The following RANBP17 variants were observed in gnomAD, a reference collection of about 807,000 sequenced individuals.
RANBP17 encodes the protein RAN binding protein 17, also known as ran-binding protein 17.
A neutral mutation model predicts 141.2 loss-of-function variants in RANBP17; 158 were observed. The ratio of observed to expected loss-of-function variants is 1.12; its 90% CI spans 0.98 to 1.28. RANBP17 has a LOEUF of 1.28. Among genes scored for constraint, RANBP17 ranks in the 50% most tolerant of loss-of-function variants. The pLI is 0.00. For synonymous variants in RANBP17, 430 were observed against 450.0 expected, an observed-to-expected ratio of 0.96 and a Z score of 0.56; for missense variants, 1,438 against 1,290.7, an observed-to-expected ratio of 1.11 and a Z score of -1.75.
At chr5:171,249,935 A>G (rs988484984) in intron 24 of RANBP17, among the ~76,000 whole-genome samples, 2 of 152,232 alleles carry the variant, frequency 1.3e-5, no homozygotes, top group African/African-American at 4.8e-5. Flanking sequence ...TACAATGCAG[A>G]AGGGTCTTTT....
At chr5:171,205,414 T>C in intron 19 of RANBP17, 110 bp from the exon 20 acceptor site, 1 of 841,758 alleles carries the variant, frequency 1.2e-6, no homozygotes, top group Non-Finnish European at 1.9e-6. Flanking sequence ...GAACGAGACA[T>C]TTTAGCTAAT....
At chr5:171,192,482 AT>A (rs995135716) in intron 18 of RANBP17, among the ~76,000 whole-genome samples, 5 of 151,944 alleles carry the variant, frequency 3.3e-5, no homozygotes, top group African/African-American at 1.2e-4. Context: ...TGGGCAGTGT[AT>A]TTTTTTTCCG....
At chr5:171,243,845 G>A (rs564949233) in intron 24 of RANBP17, among the ~76,000 whole-genome samples, 19 of 151,970 alleles carry the variant, frequency 1.3e-4, no homozygotes, top group East Asian at 1.9e-4. Flanking sequence ...AGGCTGAGGC[G>A]GGTGGATCAC....
chr5:171,259,675 G>A (rs769482290), intron 24 of RANBP17, among the ~76,000 whole-genome samples: 2 of 152,184 alleles, frequency 1.3e-5, no homozygotes, highest in African/African-American at 2.4e-5. Flanking sequence ...CGTGGAGGTA[G>A]AGAATGGAAA....
chr5:171,140,620 T>A (rs1757623076), intron 14 of RANBP17, among the ~76,000 whole-genome samples: 1 of 152,184 alleles, frequency 6.6e-6, no homozygotes, highest in Non-Finnish European at 1.5e-5. Flanking sequence ...TAAGAATCCC[T>A]GAGTACAGGG....
intron 22 of RANBP17, 66 bp from the exon 23 acceptor site, chr5:171,240,862 A>G: frequency 2.0e-6 from 2 of 1,008,194 alleles, no homozygotes; most frequent in South Asian, 3.1e-5. Flanking sequence ...AATGTTAAAT[A>G]GTGTGTCCCA....
At chr5:171,064,777 T>G (rs1448328730) in intron 14 of RANBP17, among the ~76,000 whole-genome samples, 1 of 152,012 alleles carries the variant, frequency 6.6e-6, no homozygotes, top group African/African-American at 2.4e-5. Flanking sequence ...TGCTTCTGCC[T>G]CCCAAAGTAC....
intron 14 of RANBP17, among the ~76,000 whole-genome samples, chr5:171,103,483 G>C (rs1787328613): frequency 6.6e-6 from 1 of 152,194 alleles, no homozygotes; most frequent in African/African-American, 2.4e-5. Flanking sequence ...GTCGACTTCA[G>C]ACTGCTGTGC....
At chr5:171,040,089 T>C (rs940711120) in intron 14 of RANBP17, among the ~76,000 whole-genome samples, 4 of 151,936 alleles carry the variant, frequency 2.6e-5, no homozygotes, top group Non-Finnish European at 4.4e-5. Context: ...CAGGCCAGTA[T>C]CTCTGATGAA....
At chr5:171,279,993 G>T (rs1432212181) in intron 25 of RANBP17, among the ~76,000 whole-genome samples, 1 of 152,170 alleles carries the variant, frequency 6.6e-6, no homozygotes, top group African/African-American at 2.4e-5. Flanking sequence ...CAGAGTAAAT[G>T]AGAAGGTTTC....
chr5:171,039,005 C>A (rs929008031), intron 14 of RANBP17, among the ~76,000 whole-genome samples: 1 of 151,926 alleles, frequency 6.6e-6, no homozygotes, highest in African/African-American at 2.4e-5. Flanking sequence ...AATTCTATGT[C>A]TTTGCTTTTG....
At chr5:171,245,007 T>C (rs1219126046) in intron 24 of RANBP17, among the ~76,000 whole-genome samples, 1 of 151,870 alleles carries the variant, frequency 6.6e-6, no homozygotes, top group Admixed American at 6.6e-5. Context: ...CGGGCACCTG[T>C]AGTCCCAGCT....
chr5:170,901,390 A>G (rs751288874), intron 5 of RANBP17, among the ~76,000 whole-genome samples: 1 of 151,952 alleles, frequency 6.6e-6, no homozygotes, highest in Non-Finnish European at 1.5e-5. Context: ...CTTTATTTTG[A>G]GCCTATGTGT....
In RANBP17 at chr5:171,196,427, T is replaced by A. The variant is rs76531046; in HGVS notation, c.2039-3243T>A. Among the ~76,000 whole-genome samples the A allele has an allele frequency of 1.8e-3, 276 of 152,114 alleles. 7 individuals are homozygous for A. The East Asian group carries it at 0.05, about 27-fold the overall frequency. ...GTCGCTCAGAATATTAAGTTAGGAGTTGAAATGTTAAAAGTCTGAATTTGT... is the reference window on the plus strand; with the variant it reads ...GTCGCTCAGAATATTAAGTTAGGAGATGAAATGTTAAAAGTCTGAATTTGT... On this transcript the variant is annotated intron_variant, in intron 18 of 27. Coordinates refer to ENST00000523189, the MANE Select transcript of RANBP17 (RefSeq NM_022897.5).
intron 18 of RANBP17, among the ~76,000 whole-genome samples, chr5:171,188,020 C>A (rs1283382969): frequency 1.3e-5 from 2 of 152,184 alleles, no homozygotes; most frequent in East Asian, 3.8e-4. Flanking sequence ...AAGGGGACTA[C>A]ACCCCTCTAT....
At chr5:170,902,399 G>T (rs374115984) in intron 5 of RANBP17, among the ~76,000 whole-genome samples, 203 of 152,160 alleles carry the variant, frequency 1.3e-3, no homozygotes, top group African/African-American at 4.5e-3. Flanking sequence ...CTCTAAACTG[G>T]TTATTCTAGT....
At chr5:171,184,454 A>T (rs1327617058) in intron 18 of RANBP17, among the ~76,000 whole-genome samples, 1 of 152,222 alleles carries the variant, frequency 6.6e-6, no homozygotes, top group Non-Finnish European at 1.5e-5. Flanking sequence ...ACTAGAGAGT[A>T]GAATGGTGGT....
intron 12 of RANBP17, among the ~76,000 whole-genome samples, chr5:170,927,435 T>C (rs2100295): frequency 0.67 from 101,750 of 151,918 alleles, 34,358 homozygotes; most frequent in South Asian, 0.9. Context: ...AAAATGGTTT[T>C]TCAGTATAAT....
chr5:171,264,563 T>C (rs539369825), intron 24 of RANBP17, among the ~76,000 whole-genome samples: 1 of 152,276 alleles, frequency 6.6e-6, no homozygotes, highest in South Asian at 2.1e-4. Context: ...TAACAGTAAC[T>C]ATTATAGTGC....
Sources: allele counts gnomAD v4.1 joint callset (sites outside exome capture counted in the v4.1 genomes callset), GRCh38; gene constraint gnomAD v4.1.1; transcripts MANE v1.5; gene names NCBI Gene and HGNC (gene_info 2026-07-23, HGNC 2026-07-21).